The following TMTC1 variants were observed in gnomAD, a reference collection of about 807,000 sequenced individuals.
TMTC1 encodes the protein protein O-mannosyl-transferase TMTC1.
Under a neutral mutation model 104.8 loss-of-function variants are expected in TMTC1, and 73 were observed. The ratio of observed to expected loss-of-function variants is 0.70; its 90% CI spans 0.58 to 0.85. TMTC1 has a LOEUF of 0.85. TMTC1 is among the 40% of genes least tolerant of loss of function. The pLI is 0.00. For synonymous variants in TMTC1, 434 were observed against 428.7 expected, an observed-to-expected ratio of 1.01 and a Z score of -0.15; for missense variants, 1,035 against 1,096.1, an observed-to-expected ratio of 0.94 and a Z score of 0.79.
At chr12:29,611,114 C>A (rs1196594187) in intron 6 of TMTC1, among the ~76,000 whole-genome samples, 2 of 152,212 alleles carry the variant, frequency 1.3e-5, no homozygotes, top group South Asian at 2.1e-4. Context: ...GCACCGAAGG[C>A]CGATTAAAAT....
intron 5 of TMTC1, among the ~76,000 whole-genome samples, chr12:29,714,131 A>G (rs1256707745): frequency 6.6e-6 from 1 of 152,236 alleles, no homozygotes; most frequent in Non-Finnish European, 1.5e-5. Context: ...TCTGTTCTTT[A>G]TAAATTACCC....
intron 16 of TMTC1, among the ~76,000 whole-genome samples, chr12:29,513,415 T>C (rs75718517): frequency 0.018 from 2,730 of 152,248 alleles, 85 homozygotes; most frequent in African/African-American, 0.062. Flanking sequence ...AGAATGACGA[T>C]ATTGAAAATG....
At chr12:29,637,085 AACACACAC>A (rs200543052) in intron 5 of TMTC1, among the ~76,000 whole-genome samples, 3 of 47,644 alleles carry the variant, frequency 6.3e-5, no homozygotes, top group African/African-American at 1.1e-4. Flanking sequence ...CAAAATGAGA[AACACACAC>A]ACACACACAC....
At chr12:29,668,454 C>CTTTTTTTTTTTTTTTTTTTTTTTTTTT (rs66652706) in intron 5 of TMTC1, among the ~76,000 whole-genome samples, 5 of 90,096 alleles carry the variant, frequency 5.5e-5, no homozygotes, top group African/African-American at 1.4e-4. Context: ...ACCAACTTAT[C>CTTTTTTTTTTTTTTTTTTTTTTTTTTT]TTTTTTTTTT....
intron 5 of TMTC1, among the ~76,000 whole-genome samples, chr12:29,643,311 G>T (rs557513024): frequency 2.5e-4 from 38 of 150,664 alleles, no homozygotes; most frequent in Non-Finnish European, 4.4e-4. Flanking sequence ...CAGAACATAA[G>T]AAGTTATTAT....
In TMTC1 at chr12:29,685,104, C is replaced by G. The variant is rs537755513; in HGVS notation, c.939-51768G>C. On this transcript the variant is annotated intron_variant, in intron 5 of 17. Transcript: ENST00000539277. ...TATTTTTACAGCTAAATCGCATTTA[C>G]CGACATTGTAAATGATTTATTTCAA... Among the ~76,000 whole-genome samples the G allele has an allele frequency of 4.6e-5, 7 of 151,968 alleles. No individual in the cohort carries two copies. In the East Asian group the frequency reaches 1.4e-3, roughly 29 times the overall value.
chr12:29,524,857 C>G (rs1274056224), intron 11 of TMTC1, among the ~76,000 whole-genome samples: 1 of 152,128 alleles, frequency 6.6e-6, no homozygotes, highest in Admixed American at 6.6e-5. Context: ...AAAGTTATAC[C>G]TCATGATGTA....
chr12:29,666,221 CTTTTTTCTT>C, intron 5 of TMTC1: 1 of 395,960 alleles, frequency 2.5e-6, no homozygotes, highest in Non-Finnish European at 4.8e-6. Context: ...TTCTTTTTTT[CTTTTTTCTT>C]TTTTTTTTTT....
intron 5 of TMTC1, among the ~76,000 whole-genome samples, chr12:29,684,930 T>C (rs12229285): frequency 0.14 from 21,051 of 152,186 alleles, 1,735 homozygotes; most frequent in East Asian, 0.34. Context: ...TGTTCAGACG[T>C]GGTATGTTGT....
chr12:29,562,298 A>C (rs1945396914), intron 9 of TMTC1, among the ~76,000 whole-genome samples: 1 of 152,206 alleles, frequency 6.6e-6, no homozygotes, highest in African/African-American at 2.4e-5. Context: ...ACTCTTCAAG[A>C]GGGGCCAGCT....
chr12:29,537,821 C>T (rs1463766173), intron 10 of TMTC1, among the ~76,000 whole-genome samples: 2 of 152,154 alleles, frequency 1.3e-5, no homozygotes, highest in Non-Finnish European at 2.9e-5. Flanking sequence ...CTAATATTCA[C>T]TCCATAAGTT....
intron 5 of TMTC1, among the ~76,000 whole-genome samples, chr12:29,714,491 C>A (rs1269208386): frequency 6.6e-6 from 1 of 152,208 alleles, no homozygotes; most frequent in East Asian, 1.9e-4. Context: ...GACCCCTGGT[C>A]ATTTGTGCCA....
chr12:29,562,248 C>T (rs12424239), intron 9 of TMTC1, among the ~76,000 whole-genome samples: 19,812 of 152,118 alleles, frequency 0.13, 1,539 homozygotes, highest in African/African-American at 0.21. Context: ...CAGATAGCCT[C>T]GGGAAAAAGC....
intron 8 of TMTC1, among the ~76,000 whole-genome samples, chr12:29,580,323 A>G (rs184539194): frequency 2.4e-3 from 372 of 152,306 alleles, no homozygotes; most frequent in African/African-American, 8.7e-3. Flanking sequence ...TGTCTCAAAA[A>G]TAAATAAATG....
chr12:29,738,064 A>G (rs1259437340), intron 5 of TMTC1, among the ~76,000 whole-genome samples: 2 of 152,196 alleles, frequency 1.3e-5, no homozygotes, highest in South Asian at 2.1e-4. Context: ...GTAAGTGCCA[A>G]TTGGGTGCTT....
At chr12:29,748,980 G>A (rs960437511) in intron 5 of TMTC1, among the ~76,000 whole-genome samples, 4 of 152,110 alleles carry the variant, frequency 2.6e-5, no homozygotes, top group Admixed American at 6.5e-5. Flanking sequence ...TATTGCATCC[G>A]TCTGGTAGAA....
At chr12:29,757,092 A>C (rs1943232744) in intron 3 of TMTC1, among the ~76,000 whole-genome samples, 1 of 152,224 alleles carries the variant, frequency 6.6e-6, no homozygotes. Context: ...ATATTTTCAG[A>C]TTTCATAACA....
At chr12:29,522,980 TA>T (rs1414839796) in intron 11 of TMTC1, among the ~76,000 whole-genome samples, 3 of 152,176 alleles carry the variant, frequency 2.0e-5, no homozygotes, top group African/African-American at 7.2e-5. Flanking sequence ...ATCTCATAGC[TA>T]CATGGGGACA....
chr12:29,518,354 C>T (rs925143747), intron 13 of TMTC1, 118 bp downstream of exon 13: 1 of 1,256,146 alleles, frequency 8.0e-7, no homozygotes, highest in Non-Finnish European at 1.1e-6. Flanking sequence ...TTTGTATCAC[C>T]TGAATTGGCA....
Sources: gnomAD v4.1 joint callset for allele counts (sites outside exome capture counted in the v4.1 genomes callset) on GRCh38, gnomAD v4.1.1 for gene constraint, MANE v1.5 for transcripts, NCBI Gene and HGNC (gene_info 2026-07-23, HGNC 2026-07-21) for gene names.